SPICE1: variants seen among roughly 807,000 people sequenced by gnomAD.
SPICE1 encodes spindle and centriole associated protein 1, also known as spindle and centriole-associated protein 1.
SPICE1 carries 75 observed loss-of-function variants against 102.7 expected under a neutral mutation model. The ratio of observed to expected loss-of-function variants is 0.73; its 90% CI spans 0.61 to 0.88. SPICE1 has a LOEUF of 0.88. Ranked by LOEUF, SPICE1 falls within the 40% of genes least tolerant of loss-of-function variation. The pLI is 0.00. For missense variants in SPICE1, 979 were observed against 1,020.1 expected (o/e 0.96, Z 0.55); for synonymous variants, 308 against 350.3 (o/e 0.88, Z 1.35).
At chr3:113,450,997 C>G (rs911519165) in intron 14 of SPICE1, among the ~76,000 whole-genome samples, 3 of 152,200 alleles carry the variant, frequency 2.0e-5, no homozygotes, top group Admixed American at 1.3e-4. Flanking sequence ...CACAAAAGAT[C>G]ACATGAGCAA....
At chr3:113,487,469 T>C (rs1331928191) in intron 7 of SPICE1, among the ~76,000 whole-genome samples, 2 of 152,184 alleles carry the variant, frequency 1.3e-5, no homozygotes, top group African/African-American at 4.8e-5. Context: ...TATCTGTTGG[T>C]CTAAAAACAA....
intron 11 of SPICE1, among the ~76,000 whole-genome samples, chr3:113,461,371 T>C (rs1935931166): frequency 6.6e-6 from 1 of 151,806 alleles, no homozygotes; most frequent in South Asian, 2.1e-4. Flanking sequence ...TTTTTTTCTA[T>C]ATTTAAAAGA....
chr3:113,498,141 G>C (rs1207614983), intron 4 of SPICE1, among the ~76,000 whole-genome samples: 1 of 152,162 alleles, frequency 6.6e-6, no homozygotes, highest in Non-Finnish European at 1.5e-5. Context: ...CTCCCAAAAT[G>C]CTGGGATTAC....
At chr3:113,458,985 A>C (rs1256601769) in intron 12 of SPICE1, among the ~76,000 whole-genome samples, 1 of 152,164 alleles carries the variant, frequency 6.6e-6, no homozygotes, top group East Asian at 1.9e-4. Context: ...AAAGGGGGAA[A>C]TGTGGGGAAA....
chr3:113,507,147 A>T (rs181918031), intron 1 of SPICE1, among the ~76,000 whole-genome samples: 2 of 152,308 alleles, frequency 1.3e-5, no homozygotes, highest in East Asian at 3.9e-4. Flanking sequence ...CATAATGCTA[A>T]ATGGTGCTAA....
chr3:113,459,718 C>T (rs933084217), intron 12 of SPICE1: 2 of 730,884 alleles, frequency 2.7e-6, no homozygotes, highest in Admixed American at 6.3e-5. Flanking sequence ...CCCGTCTCTA[C>T]TAAAAACACA....
chr3:113,469,134 G>T lies in SPICE1; in HGVS notation c.716C>A (p.Thr239Lys). ...ATQSQITPPGTPSSALSSGEQ... is the reference protein window; with the variant it reads ...ATQSQITPPGKPSSALSSGEQ... The stretch of plus-strand genomic sequence containing the variant: ...CCCTGATGAAAGAGCAGATGATGGC[G>T]TTCCTGGAGGAGTTATTTGTGACTG... Residue 239 changes from threonine to lysine, a missense_variant, in exon 8 of 18, where the codon ACG becomes AAG. Thr to Lys is a moderately conservative substitution (Grantham distance 78). Transcript: ENST00000295872. 6.2e-7 allele frequency: 1 copy of T among 1,613,324 alleles called. No individual in the cohort carries two copies. Among genetic ancestry groups the T allele is most frequent in the Non-Finnish European group, 8.5e-7 (1 of 1,179,656 alleles).
At position 113,499,480 on chromosome 3, in the gene SPICE1, T is replaced by C; in HGVS notation, c.250A>G (p.Thr84Ala). The C allele has an allele frequency of 1.9e-6, 3 of 1,613,372 alleles. No homozygotes were observed. The highest frequency in any genetic ancestry group is 2.5e-6 in the Non-Finnish European group (3 of 1,179,794). ...AATCTTCTTTTCTCAAGATTTAAAG[T>C]TTCTGGTTTCTGCTTCCTCCATTTT... is the stretch of plus-strand genomic sequence containing the variant. ...KRKWRKQKPE[T>A]LNLEKRRLSI... is the part of the protein sequence containing the mutation. Residue 84 changes from threonine (T) to alanine (A), a missense_variant, in exon 4 of 18, where the codon ACT (threonine) becomes GCT (alanine). Coordinates refer to ENST00000295872, the MANE Select transcript of SPICE1 (RefSeq NM_144718.4).
At chr3:113,491,442 A>C (rs1936762749) in intron 6 of SPICE1, among the ~76,000 whole-genome samples, 1 of 151,354 alleles carries the variant, frequency 6.6e-6, no homozygotes, top group Non-Finnish European at 1.5e-5. Flanking sequence ...AACATGGTGA[A>C]ACCCCGTCTC....
chr3:113,463,155 T>C (rs1007890103), intron 11 of SPICE1, among the ~76,000 whole-genome samples: 22 of 152,218 alleles, frequency 1.4e-4, no homozygotes, highest in Non-Finnish European at 8.8e-5. Context: ...ATGGCCCATC[T>C]CATTTGTAAC....
chr3:113,458,856 C>T lies in SPICE1; in HGVS notation c.1436-1499G>A, dbSNP rs190789907. Among the ~76,000 whole-genome samples the T allele has an allele frequency of 5.5e-3, 836 of 151,300 alleles. 8 individuals carry two copies. Among genetic ancestry groups the T allele is most frequent in the African/African-American group, 0.018 (757 of 41,162 alleles). ...CTGAGAGGTGAAGAGCGCCTCTGCC[C>T]GGCCGCCCCGTCTGGGAAGTGAGGA... is the stretch of plus-strand genomic sequence containing the variant. On this transcript the variant is annotated intron_variant, in intron 12 of 17. Transcript: ENST00000295872.
At chr3:113,473,364 A>G (rs1481860359) in intron 7 of SPICE1, among the ~76,000 whole-genome samples, 2 of 152,210 alleles carry the variant, frequency 1.3e-5, no homozygotes, top group Non-Finnish European at 2.9e-5. Context: ...AACACTCTGC[A>G]GGATATTATC....
At chr3:113,480,531 C>A (rs900571275) in intron 7 of SPICE1, among the ~76,000 whole-genome samples, 7 of 152,110 alleles carry the variant, frequency 4.6e-5, no homozygotes, top group Middle Eastern at 3.4e-3. Context: ...GAATTTACTG[C>A]AGAAATGCAA....
At chr3:113,479,777 C>T (rs1310369690) in intron 7 of SPICE1, among the ~76,000 whole-genome samples, 1 of 151,804 alleles carries the variant, frequency 6.6e-6, no homozygotes, top group African/African-American at 2.4e-5. Context: ...GAATTCAGAG[C>T]CCTAAACATG....
At chr3:113,456,559 T>C (rs1008420543) in intron 13 of SPICE1, among the ~76,000 whole-genome samples, 3 of 152,220 alleles carry the variant, frequency 2.0e-5, no homozygotes, top group Admixed American at 1.3e-4. Flanking sequence ...TTAAGAATCT[T>C]TGAGCTAAGA....
chr3:113,448,002 T>TG (rs774875212), intron 16 of SPICE1, 36 bp downstream of exon 16: 45 of 1,540,440 alleles, frequency 2.9e-5, no homozygotes, highest in African/African-American at 1.4e-5. Flanking sequence ...TCTTTTTGAT[T>TG]TTTTTTTTTA....
Position 113,493,189 on chromosome 3 carries a change from T to G in SPICE1, c.492+17A>C, listed in dbSNP as rs1305207516. 1 of 1,536,208 alleles carries G rather than the reference T, an allele frequency of 6.5e-7. No individual in the cohort carries two copies. The highest frequency in any genetic ancestry group is 8.8e-7 in the Non-Finnish European group (1 of 1,132,260). ...CCTTTCAGCATGAGTGTTATAGCTG[T>G]GAGTGGAACACATTACCTGAGGTTC... On this transcript the variant is annotated intron_variant, in intron 6 of 17. Transcript: ENST00000295872.
At chr3:113,491,624 CAAAAAAAAAAA>C (rs869171154) in intron 6 of SPICE1, among the ~76,000 whole-genome samples, 23 of 38,108 alleles carry the variant, frequency 6.0e-4, no homozygotes, top group Non-Finnish European at 1.0e-3. Flanking sequence ...GACTCCGTCT[CAAAAAAAAAAA>C]AAAAAAAAAA....
chr3:113,490,568 G>C (rs1369216375), intron 6 of SPICE1, among the ~76,000 whole-genome samples: 1 of 152,020 alleles, frequency 6.6e-6, no homozygotes, highest in Non-Finnish European at 1.5e-5. Flanking sequence ...CTTGAGCCCA[G>C]GAGGTAGAGG....
Sources: allele counts gnomAD v4.1 joint callset (sites outside exome capture counted in the v4.1 genomes callset), GRCh38; gene constraint gnomAD v4.1.1; transcripts MANE v1.5; gene names NCBI Gene and HGNC (gene_info 2026-07-23, HGNC 2026-07-21).